The following CHEK1 variants were observed in gnomAD, a reference collection of about 807,000 sequenced individuals.
CHEK1 encodes serine/threonine-protein kinase Chk1.
CHEK1 carries 32 observed loss-of-function variants against 60.2 expected under a neutral mutation model. The observed-to-expected ratio is 0.53, with a 90% CI of 0.40 to 0.71. CHEK1 has a LOEUF of 0.71. Ranked by LOEUF, CHEK1 falls within the 30% of genes least tolerant of loss-of-function variation. The pLI is 0.00. For missense variants in CHEK1, 399 were observed against 564.6 expected (o/e 0.71, Z 2.97); for synonymous variants, 179 against 187.2 (o/e 0.96, Z 0.36).
chr11:125,640,893 T>C (rs977430148), intron 8 of CHEK1, among the ~76,000 whole-genome samples: 1 of 152,072 alleles, frequency 6.6e-6, no homozygotes, highest in African/African-American at 2.4e-5. Context: ...CCTCCCAAAG[T>C]ACTGGGATTA....
intron 5 of CHEK1, among the ~76,000 whole-genome samples, chr11:125,631,299 T>G (rs887829939): frequency 1.3e-5 from 2 of 152,086 alleles, no homozygotes; most frequent in Admixed American, 1.3e-4. Flanking sequence ...AGGAGTCTTT[T>G]AAAAAAAGAA....
chr11:125,637,867 G>A (rs1941134731), intron 8 of CHEK1, among the ~76,000 whole-genome samples: 1 of 152,154 alleles, frequency 6.6e-6, no homozygotes, highest in Non-Finnish European at 1.5e-5. Flanking sequence ...TTCTGAACAG[G>A]GGAAGCAGTA....
Position 125,643,897 on chromosome 11 carries a change from C to T in CHEK1, c.920C>T (p.Ser307Phe), listed in dbSNP as rs1437919116. ...NLDFSPVNSA[S>F]SEENVKYSSS... ...GACTTCTCTCCAGTAAACAGTGCTT[C>T]TAGGTAAGACTGATAAAGATTGAGT... Residue 307 changes from serine to phenylalanine, a missense_variant, in exon 9 of 13, where the codon TCT becomes TTT. Around this residue, in one of 2 missense-constraint regions of CHEK1, gnomAD observed 370 missense variants for 494.8 expected, o/e 0.75. Transcript: ENST00000438015. The T allele has an allele frequency of 6.2e-7, 1 of 1,609,690 alleles. No homozygotes were observed. The highest frequency in any genetic ancestry group is 1.3e-5 in the African/African-American group (1 of 74,806).
chr11:125,650,188 A>T (rs1409694729), intron 11 of CHEK1, among the ~76,000 whole-genome samples: 2 of 149,968 alleles, frequency 1.3e-5, no homozygotes, highest in African/African-American at 4.9e-5. Flanking sequence ...TGGACTCATT[A>T]TGTTTATTGT....
chr11:125,651,412 C>G (rs887355721), intron 11 of CHEK1, among the ~76,000 whole-genome samples: 7 of 151,600 alleles, frequency 4.6e-5, no homozygotes, highest in African/African-American at 1.7e-4. Context: ...CTCAGCCTCC[C>G]AAGTAGCTGG....
At chr11:125,642,539 TA>T (rs938712343) in intron 8 of CHEK1, among the ~76,000 whole-genome samples, 10 of 151,634 alleles carry the variant, frequency 6.6e-5, no homozygotes, top group Admixed American at 5.9e-4. Context: ...AAAGCAGGTT[TA>T]AAAAAAAACT....
intron 13 of CHEK1, chr11:125,672,381 G>A: frequency 5.6e-6 from 3 of 536,092 alleles, no homozygotes; most frequent in Non-Finnish European, 9.5e-6. Context: ...GGAATATTGA[G>A]AGAAAGAGTT....
rs1941894912 is a variant in CHEK1 at position 125,656,067 on chromosome 11, G to A, written c.*747G>A. 4.7e-6 allele frequency: 1 copy of A among 212,294 alleles called. No individual in the cohort carries two copies. The highest frequency in any genetic ancestry group is 7.2e-5 in the East Asian group (1 of 13,986). 13.2% of individuals were successfully genotyped at this position (212,294 alleles called of 1,614,324 possible). On this transcript the variant is annotated 3_prime_UTR_variant, in exon 13 of 13. Transcript: ENST00000438015. ...AACTTACTGGTGACCAAGCTTTTAGGTGATAAAGAATAAAAGAGGGAAGGG... is the reference window on the plus strand; with the variant it reads ...AACTTACTGGTGACCAAGCTTTTAGATGATAAAGAATAAAAGAGGGAAGGG...
At chr11:125,678,978 TTATATA>T (rs10522682), downstream of CHEK1, among the ~76,000 whole-genome samples, 5 of 88,436 alleles carry the variant, frequency 5.7e-5, no homozygotes, top group African/African-American at 8.7e-5. Flanking sequence ...TCTAGGCATA[TTATATA>T]TATATATATA....
intron 13 of CHEK1, among the ~76,000 whole-genome samples, chr11:125,667,578 C>G (rs1275503877): frequency 6.6e-6 from 1 of 152,090 alleles, no homozygotes; most frequent in Non-Finnish European, 1.5e-5. Flanking sequence ...GAATCTCTTT[C>G]ATTTCTTTTT....
At position 125,653,889 on chromosome 11, in the gene CHEK1, C is replaced by T. The variant is rs778242572; in HGVS notation, c.1335+42C>T. The T allele has an allele frequency of 1.0e-5, 12 of 1,199,628 alleles. 1 individual carries two copies. Among genetic ancestry groups the T allele is most frequent in the Admixed American group, 9.6e-5 (4 of 41,474 alleles). 74.3% of individuals were successfully genotyped at this position (1,199,628 alleles called of 1,614,324 possible). On this transcript the variant is annotated intron_variant, in intron 12 of 12. Transcript: ENST00000438015. This position sits in a 1 kb window ranked among gnomAD's most constrained non-coding sequence, Gnocchi z 4.3. ...TTGTATTCTTTCTATGGAAATATTT[C>T]TATATGAATTTTTTTAATGGCATTA... is the stretch of plus-strand genomic sequence containing the variant.
At chr11:125,651,286 CTTTT>C (rs59057522) in intron 11 of CHEK1, among the ~76,000 whole-genome samples, 8 of 128,136 alleles carry the variant, frequency 6.2e-5, no homozygotes, top group Admixed American at 7.8e-5. Context: ...AGACAAGCCT[CTTTT>C]TTTTTTTTTT....
In CHEK1 at chr11:125,630,572, G is replaced by T. The variant is rs541546129; in HGVS notation, c.424+1112G>T. On this transcript the variant is annotated intron_variant, in intron 5 of 12. Coordinates refer to ENST00000438015, the MANE Select transcript of CHEK1 (RefSeq NM_001114122.3). ...GTGATCTGCCTCCCTTGGCCTCCCA[G>T]AGTGCTGGGATTATAGGTGTGAGCC... Among the ~76,000 whole-genome samples, 29 of 152,182 alleles carry T rather than the reference G, an allele frequency of 1.9e-4. 1 individual carries two copies. Among genetic ancestry groups the T allele is most frequent in the African/African-American group, 6.5e-4 (27 of 41,540 alleles).
At chr11:125,646,055 C>T (rs1481202101) in intron 11 of CHEK1, among the ~76,000 whole-genome samples, 2 of 152,034 alleles carry the variant, frequency 1.3e-5, no homozygotes, top group African/African-American at 4.8e-5. Flanking sequence ...CAAGGTTGTG[C>T]AACCATCGCC....
intron 9 of CHEK1, 72 bp from the exon 10 acceptor site, chr11:125,644,019 T>C: frequency 1.3e-6 from 2 of 1,549,930 alleles, no homozygotes; most frequent in Non-Finnish European, 1.8e-6. Context: ...TGAGAACTTG[T>C]GTGTGATATA....
At chr11:125,644,340 G>T in intron 10 of CHEK1, 72 bp downstream of exon 10, 1 of 1,495,706 alleles carries the variant, frequency 6.7e-7, no homozygotes, top group Non-Finnish European at 9.0e-7. Context: ...CTTTTTTAAT[G>T]TGTAAATCTT....
In CHEK1 at chr11:125,639,382, C is replaced by CTTTTTTTTTTTTTTTT. The variant is rs367756024; in HGVS notation, c.814+1843_814+1858dup. Among the ~76,000 whole-genome samples the CTTTTTTTTTTTTTTTT allele has an allele frequency of 1.9e-5, 2 of 106,378 alleles. 1 individual carries two copies. The highest frequency in any genetic ancestry group is 3.6e-5 in the Non-Finnish European group (2 of 56,010). 69.8% of individuals were successfully genotyped at this position (106,378 alleles called of 152,430 possible). A position where few individuals can be genotyped will look rare whatever the true frequency, so the allele number is the denominator to read the frequency against. On this transcript the variant is annotated intron_variant, in intron 8 of 12. Transcript: ENST00000438015. ...AATCACGTTTTTATAATACTTTTCT[C>CTTTTTTTTTTTTTTTT]TTTTTTTTTTTTTTTTTTTTGAGAC...
chr11:125,655,448 T>A lies in CHEK1; in HGVS notation c.*128T>A. On this transcript the variant is annotated 3_prime_UTR_variant, in exon 13 of 13. Transcript: ENST00000438015. ...TTCCTGAAGTGTTCACTTCCCTGTT[T>A]ATCCAAACATCTTCCAATTTATTTT... 1 of 535,182 alleles carries A rather than the reference T, an allele frequency of 1.9e-6. No homozygotes were observed. Among genetic ancestry groups the A allele is most frequent in the South Asian group, 3.4e-5 (1 of 29,648 alleles). The allele number at this position is 535,182 out of a possible 1,614,324, so 33.2% of individuals were successfully genotyped here. A position where few individuals can be genotyped will look rare whatever the true frequency, so the allele number is the denominator to read the frequency against.
chr11:125,657,183 A>G (rs922979675), downstream of CHEK1: 2 of 97,526 alleles, frequency 2.1e-5, no homozygotes, highest in African/African-American at 1.0e-4. Context: ...AAATCAACCT[A>G]TGCTTGTGTG....
Sources: allele counts gnomAD v4.1 joint callset (sites outside exome capture counted in the v4.1 genomes callset), GRCh38; gene constraint gnomAD v4.1.1; regional missense constraint gnomAD v4.1.1; non-coding constraint Gnocchi (gnomAD v3.1); transcripts MANE v1.5; gene names NCBI Gene and HGNC (gene_info 2026-07-23, HGNC 2026-07-21).